Variants in EYS observed in about 807,000 individuals in gnomAD.
EYS encodes the protein EGF-like photoreceptor maintenance factor.
A neutral mutation model predicts 282.1 loss-of-function variants in EYS; 250 were observed. The observed-to-expected ratio is 0.89, with a 90% confidence interval of 0.80 to 0.98. EYS has a LOEUF of 0.98. EYS is among the 50% of genes least tolerant of loss of function. The pLI, the probability that EYS is intolerant of heterozygous loss-of-function variation, is 0.00. For missense variants in EYS, 4,016 were observed against 3,709.0 expected (o/e 1.08, Z -2.15); for synonymous variants, 1,355 against 1,282.9 (o/e 1.06, Z -1.20).
intron 29 of EYS, among the ~76,000 whole-genome samples, chr6:64,380,049 A>C (rs2150419157): frequency 6.6e-6 from 1 of 152,238 alleles, no homozygotes; most frequent in African/African-American, 2.4e-5. Context: ...CTGGGAAAAG[A>C]ATATAAATTT....
intron 7 of EYS, among the ~76,000 whole-genome samples, chr6:65,393,694 A>G (rs1010389440): frequency 1.1e-4 from 16 of 151,994 alleles, no homozygotes; most frequent in Admixed American, 2.0e-4. Context: ...AACTTTACCC[A>G]TGACTGATGT....
At chr6:64,037,056 A>G (rs1354414798) in intron 33 of EYS, among the ~76,000 whole-genome samples, 1 of 152,204 alleles carries the variant, frequency 6.6e-6, no homozygotes, top group Non-Finnish European at 1.5e-5. Context: ...AGATCATATA[A>G]TAGGCAACTA....
rs111883020 is a variant in EYS, at chr6:64,309,920, G to A, written c.6079-2838C>T. Among the ~76,000 whole-genome samples, 971 of 149,250 alleles carry A rather than the reference G, an allele frequency of 6.5e-3. 9 individuals are homozygous for A. The highest frequency in any genetic ancestry group is 0.029 in the East Asian group (148 of 5,058). On this transcript the variant is annotated intron_variant, in intron 29 of 42. Coordinates refer to ENST00000503581, the MANE Select transcript of EYS (RefSeq NM_001142800.2). ...GAGGAGGTTGCAGTGAACCGAGATC[G>A]TACCACTGCCCTCCAGCCTGGTGAC...
intron 14 of EYS, among the ~76,000 whole-genome samples, chr6:64,968,188 T>C (rs1770162457): frequency 6.6e-6 from 1 of 152,140 alleles, no homozygotes; most frequent in Non-Finnish European, 1.5e-5. Flanking sequence ...AAAATAAATA[T>C]GGGTATTTAT....
chr6:64,357,608 C>A (rs1212156337), intron 29 of EYS, among the ~76,000 whole-genome samples: 1 of 151,516 alleles, frequency 6.6e-6, no homozygotes, highest in Non-Finnish European at 1.5e-5. Flanking sequence ...GGAAAGGAAG[C>A]AAAGTGGTTC....
rs556479245 is a variant in EYS at position 65,043,606 on chromosome 6, C to T, written c.2137+14008G>A. Among the ~76,000 whole-genome samples the T allele has an allele frequency of 4.6e-5, 7 of 151,442 alleles. No homozygotes were observed. The East Asian group carries it at 7.8e-4, about 17-fold the overall frequency. ...TTGCTCTCTGCTACTATGAGTTTAA[C>T]GTTTTTAGATTTCATATGTAAGTGA... On this transcript the variant is annotated intron_variant, in intron 13 of 42. Coordinates refer to ENST00000503581, the MANE Select transcript of EYS (RefSeq NM_001142800.2).
At chr6:63,996,057 GATAA>G (rs1296455693) in intron 34 of EYS, among the ~76,000 whole-genome samples, 1 of 151,824 alleles carries the variant, frequency 6.6e-6, no homozygotes, top group Non-Finnish European at 1.5e-5. Context: ...CATTGTACCT[GATAA>G]ATATATACTA....
At position 64,162,034 on chromosome 6, in the gene EYS, C is replaced by G. The variant is rs1014021517; in HGVS notation, c.6424+68558G>C. On this transcript the variant is annotated intron_variant, in intron 31 of 42. Coordinates refer to ENST00000503581, the MANE Select transcript of EYS (RefSeq NM_001142800.2). Reference sequence around the variant, plus strand: ...AGGGATAGGTTTAGGGGAGAGATTCCCTTAAAACCTATACCCTCTTGCTCT... The same window carrying G: ...AGGGATAGGTTTAGGGGAGAGATTCGCTTAAAACCTATACCCTCTTGCTCT... 2.0e-5 allele frequency among the ~76,000 whole-genome samples: 3 copies of G among 152,064 alleles called. No homozygotes were observed. The South Asian group carries it at 6.2e-4, about 32-fold the overall frequency.
intron 28 of EYS, among the ~76,000 whole-genome samples, chr6:64,431,455 A>G (rs1016721106): frequency 1.3e-5 from 2 of 152,188 alleles, no homozygotes; most frequent in Admixed American, 6.6e-5. Context: ...AATCCATAAA[A>G]GAGCCCACTA....
chr6:64,806,387 C>T (rs1764425583), intron 22 of EYS, among the ~76,000 whole-genome samples: 1 of 151,908 alleles, frequency 6.6e-6, no homozygotes, highest in African/African-American at 2.4e-5. Context: ...AAGAAAATAG[C>T]TTCTGTCCTT....
At chr6:63,952,345 C>T (rs1478361703) in intron 35 of EYS, among the ~76,000 whole-genome samples, 9 of 152,230 alleles carry the variant, frequency 5.9e-5, no homozygotes, top group Admixed American at 5.9e-4. Context: ...CTCGGCTTAG[C>T]AACTGAAGAC....
At chr6:63,790,429 G>A (rs1353768221) in intron 37 of EYS, among the ~76,000 whole-genome samples, 1 of 152,116 alleles carries the variant, frequency 6.6e-6, no homozygotes, top group African/African-American at 2.4e-5. Context: ...CCCTGAGCAG[G>A]GTTACTTTTG....
intron 22 of EYS, among the ~76,000 whole-genome samples, chr6:64,645,192 G>A (rs1428880458): frequency 1.3e-5 from 2 of 152,202 alleles, no homozygotes; most frequent in Non-Finnish European, 2.9e-5. Context: ...TGAACACTAA[G>A]CAATTGGGAG....
At chr6:65,631,475 G>GAAA (rs5876981) in intron 2 of EYS, among the ~76,000 whole-genome samples, 4 of 143,284 alleles carry the variant, frequency 2.8e-5, no homozygotes, top group Non-Finnish European at 6.1e-5. Context: ...AACATGAATG[G>GAAA]AAAAAAAAAA....
At chr6:64,753,372 C>G (rs1772826733) in intron 22 of EYS, among the ~76,000 whole-genome samples, 1 of 151,404 alleles carries the variant, frequency 6.6e-6, no homozygotes, top group South Asian at 2.1e-4. Flanking sequence ...TTTCAAGAAA[C>G]ACACTTAGCT....
chr6:64,969,944 C>A (rs1268516137), intron 14 of EYS, among the ~76,000 whole-genome samples: 1 of 152,062 alleles, frequency 6.6e-6, no homozygotes, highest in African/African-American at 2.4e-5. Context: ...GATTGTCATA[C>A]CAATGATTAT....
chr6:64,779,859 A>AT (rs1388622886), intron 22 of EYS, among the ~76,000 whole-genome samples: 1 of 152,210 alleles, frequency 6.6e-6, no homozygotes, highest in Non-Finnish European at 1.5e-5. Context: ...TAGTGATAAA[A>AT]TGGAGAGGCT....
At chr6:63,915,282 A>G (rs1764392945) in intron 35 of EYS, among the ~76,000 whole-genome samples, 1 of 152,160 alleles carries the variant, frequency 6.6e-6, no homozygotes, top group Admixed American at 6.5e-5. Flanking sequence ...CTTGTGCTCT[A>G]CAAATGGAAC....
intron 35 of EYS, among the ~76,000 whole-genome samples, chr6:63,928,758 A>G (rs761423543): frequency 3.3e-5 from 5 of 152,178 alleles, no homozygotes; most frequent in Non-Finnish European, 7.3e-5. Context: ...GCCTGGATCA[A>G]CGCATTAGTA....
Sources: allele counts gnomAD v4.1 joint callset (sites outside exome capture counted in the v4.1 genomes callset), GRCh38; gene constraint gnomAD v4.1.1; transcripts MANE v1.5; gene names NCBI Gene and HGNC (gene_info 2026-07-23, HGNC 2026-07-21).